Variants in GABPB1 observed in about 807,000 individuals in gnomAD.
GABPB1 encodes the protein GA binding protein transcription factor subunit beta 1.
Under a neutral mutation model 45.9 loss-of-function variants are expected in GABPB1, and 15 were observed. That is an observed-to-expected ratio of 0.33 (90% CI 0.22 to 0.50). The LOEUF is 0.50. Among genes scored for constraint, GABPB1 ranks in the 20% least tolerant of loss-of-function variants. The pLI is 0.98. For missense variants in GABPB1, 252 were observed against 457.5 expected (o/e 0.55, Z 4.10); for synonymous variants, 143 against 154.4 (o/e 0.93, Z 0.55).
chr15:50,318,794 A>G (rs142985901), intron 1 of GABPB1, among the ~76,000 whole-genome samples: 45 of 152,348 alleles, frequency 3.0e-4, no homozygotes, highest in African/African-American at 1.1e-3. Flanking sequence ...GAAAACTAAG[A>G]AAAGAAAAAA....
chr15:50,277,935 T>C lies in GABPB1; in HGVS notation c.*697A>G, dbSNP rs1454854057. ...TCAATGACCTACAGAGTAAAGGGGT[T>C]TTGTTTTTGTTTTTTTCTGGTCACT... On this transcript the variant is annotated 3_prime_UTR_variant, in exon 9 of 9. Transcript: ENST00000380877. The C allele has an allele frequency of 6.6e-6, 1 of 152,422 alleles. No homozygotes were observed. Among genetic ancestry groups the C allele is most frequent in the Non-Finnish European group, 1.5e-5 (1 of 68,026 alleles). The allele number at this position is 152,422 out of a possible 1,614,324, so 9.4% of individuals were successfully genotyped here. A position where few individuals can be genotyped will look rare whatever the true frequency, so the allele number is the denominator to read the frequency against.
intron 1 of GABPB1, among the ~76,000 whole-genome samples, chr15:50,310,595 A>G (rs940957345): frequency 1.3e-5 from 2 of 152,218 alleles, no homozygotes; most frequent in Non-Finnish European, 2.9e-5. Context: ...TCCTACATGC[A>G]ATGTATATTT....
At chr15:50,312,013 G>T (rs1410671626) in intron 1 of GABPB1, among the ~76,000 whole-genome samples, 1 of 152,142 alleles carries the variant, frequency 6.6e-6, no homozygotes, top group African/African-American at 2.4e-5. Context: ...AGGCAAGAAA[G>T]AATTTCTTAG....
chr15:50,294,708 C>T (rs1246688968), intron 6 of GABPB1, among the ~76,000 whole-genome samples: 1 of 151,958 alleles, frequency 6.6e-6, no homozygotes, highest in East Asian at 1.9e-4. Flanking sequence ...TTGATATAGA[C>T]CAAAAAACAA....
At chr15:50,316,658 C>G (rs11631197) in intron 1 of GABPB1, among the ~76,000 whole-genome samples, 28,123 of 151,920 alleles carry the variant, frequency 0.19, 2,784 homozygotes, top group Middle Eastern at 0.23. Context: ...TAATTCTACT[C>G]AAATAAACCC....
At chr15:50,342,716 A>G (rs1484994965) in intron 1 of GABPB1, among the ~76,000 whole-genome samples, 2 of 152,244 alleles carry the variant, frequency 1.3e-5, no homozygotes, top group African/African-American at 4.8e-5. Context: ...TGTAGTTATC[A>G]CACATGCACA....
intron 1 of GABPB1, among the ~76,000 whole-genome samples, chr15:50,332,476 A>G (rs78597712): frequency 0.069 from 10,535 of 152,182 alleles, 623 homozygotes; most frequent in East Asian, 0.2. Flanking sequence ...CTTTTTTTAG[A>G]TAATTGGGAA....
intron 1 of GABPB1, among the ~76,000 whole-genome samples, chr15:50,328,698 G>T (rs569696756): frequency 1.3e-5 from 2 of 152,174 alleles, no homozygotes; most frequent in African/African-American, 4.8e-5. Flanking sequence ...TCATACTTTG[G>T]CTCCATGGGA....
At chr15:50,323,174 T>TA (rs1567525541) in intron 1 of GABPB1, among the ~76,000 whole-genome samples, 5 of 152,152 alleles carry the variant, frequency 3.3e-5, no homozygotes. Flanking sequence ...AGTTTGAGAC[T>TA]GTACTGCACA....
intron 7 of GABPB1, 66 bp downstream of exon 7, chr15:50,289,417 G>T: frequency 1.0e-6 from 1 of 994,490 alleles, no homozygotes. Context: ...CTGCAGGGAA[G>T]ACTTAAAGAA....
rs1298688901 is a variant in GABPB1, at chr15:50,337,085, A to G, written c.-1+17900T>C. On this transcript the variant is annotated intron_variant, in intron 1 of 8. Coordinates refer to ENST00000380877, the MANE Select transcript of GABPB1 (RefSeq NM_016654.5). ...CATGTATATGTGTGTGTATATATAT[A>G]TATATATATATATATATATATATAT... Among the ~76,000 whole-genome samples the G allele has an allele frequency of 7.8e-3, 21 of 2,684 alleles. No individual in the cohort carries two copies. The East Asian group carries it at 0.081, about 10-fold the overall frequency. 1.8% of individuals were successfully genotyped at this position (2,684 alleles called of 152,430 possible).
intron 1 of GABPB1, among the ~76,000 whole-genome samples, chr15:50,348,207 T>C (rs1432892687): frequency 1.3e-5 from 2 of 152,130 alleles, no homozygotes; most frequent in African/African-American, 2.4e-5. Context: ...ATTAGTGGGT[T>C]TAAGATATTC....
At chr15:50,285,973 A>G (rs771919971) in intron 8 of GABPB1, 95 bp downstream of exon 8, 1 of 1,519,686 alleles carries the variant, frequency 6.6e-7, no homozygotes. Flanking sequence ...ATTCTGTATC[A>G]AAACAATACT....
intron 1 of GABPB1, among the ~76,000 whole-genome samples, chr15:50,330,303 T>C (rs967935817): frequency 1.3e-5 from 2 of 152,112 alleles, no homozygotes; most frequent in Non-Finnish European, 2.9e-5. Flanking sequence ...AAATACTGCA[T>C]AGAGATTTTT....
chr15:50,321,859 T>C (rs1386481268), intron 1 of GABPB1, among the ~76,000 whole-genome samples: 1 of 152,120 alleles, frequency 6.6e-6, no homozygotes, highest in Non-Finnish European at 1.5e-5. Flanking sequence ...AATATCATAA[T>C]AGAATGCTTA....
At chr15:50,333,874 C>A (rs1342843903) in intron 1 of GABPB1, among the ~76,000 whole-genome samples, 1 of 151,784 alleles carries the variant, frequency 6.6e-6, no homozygotes, top group African/African-American at 2.4e-5. Flanking sequence ...ACTAAAAATA[C>A]AAAAAATTAG....
At chr15:50,352,118 C>T (rs1394625421) in intron 1 of GABPB1, 1 of 152,154 alleles carries the variant, frequency 6.6e-6, no homozygotes. Flanking sequence ...GACTGGGTAA[C>T]TGCCTCGTGC....
chr15:50,299,277 T>G (rs980427006), intron 6 of GABPB1, among the ~76,000 whole-genome samples: 3 of 152,252 alleles, frequency 2.0e-5, no homozygotes, highest in African/African-American at 7.2e-5. Flanking sequence ...TTTAAAAAAT[T>G]TCCTAATTAA....
intron 1 of GABPB1, among the ~76,000 whole-genome samples, chr15:50,311,599 C>T (rs1027803716): frequency 6.6e-6 from 1 of 151,764 alleles, no homozygotes; most frequent in African/African-American, 2.4e-5. Context: ...GGATGCTGAA[C>T]CAGTAAGTAT....
Sources: gnomAD v4.1 joint callset for allele counts (sites outside exome capture counted in the v4.1 genomes callset) on GRCh38, gnomAD v4.1.1 for gene constraint, MANE v1.5 for transcripts, NCBI Gene and HGNC (gene_info 2026-07-23, HGNC 2026-07-21) for gene names.